Variants in SAE1 observed in about 807,000 individuals in gnomAD.
SAE1 encodes SUMO-activating enzyme subunit 1.
SAE1 carries 11 observed loss-of-function variants against 40.6 expected under a neutral mutation model. That is an observed-to-expected ratio of 0.27 (90% CI 0.17 to 0.45). The LOEUF (loss-of-function observed/expected upper bound fraction) is 0.45, where lower values mean the gene tolerates loss of function less well. Among genes scored for constraint, SAE1 ranks in the 20% least tolerant of loss-of-function variants. The pLI is 1.00. For synonymous variants in SAE1, 155 were observed against 154.3 expected (o/e 1.00, Z -0.03); for missense variants, 373 against 427.3 (o/e 0.87, Z 1.12).
chr19:47,173,240 G>T (rs978520523), intron 6 of SAE1, among the ~76,000 whole-genome samples: 1 of 152,038 alleles, frequency 6.6e-6, no homozygotes, highest in Non-Finnish European at 1.5e-5. Context: ...CTCGTGAACC[G>T]CCTGCCTCGG....
chr19:47,164,078 G>GTA (rs1331304984), intron 5 of SAE1, among the ~76,000 whole-genome samples: 1 of 152,062 alleles, frequency 6.6e-6, no homozygotes, highest in African/African-American at 2.4e-5. Flanking sequence ...TTGTATATGT[G>GTA]TATATATATG....
At position 47,132,809 on chromosome 19, in the gene SAE1, G is replaced by T. The variant is rs948689092; in HGVS notation, c.98+1781G>T. ...AGACTGAGGTGGGAGCATCACCTGA[G>T]CCCCTGGGAGGTGGAGGTTGCAGTG... is the stretch of plus-strand genomic sequence containing the variant. On this transcript the variant is annotated intron_variant, in intron 1 of 8. Transcript: ENST00000270225. Among the ~76,000 whole-genome samples the T allele has an allele frequency of 3.3e-5, 5 of 151,506 alleles. No individual in the cohort carries two copies. In the East Asian group the frequency reaches 9.7e-4, roughly 29 times the overall value.
intron 2 of SAE1, among the ~76,000 whole-genome samples, chr19:47,144,941 C>T (rs2058246128): frequency 6.6e-6 from 1 of 152,138 alleles, no homozygotes; most frequent in African/African-American, 2.4e-5. Flanking sequence ...AAGTGATTCT[C>T]CTGCCTCAGC....
At chr19:47,174,723 C>T (rs1024574325) in intron 6 of SAE1, among the ~76,000 whole-genome samples, 2 of 151,978 alleles carry the variant, frequency 1.3e-5, no homozygotes, top group African/African-American at 4.8e-5. Flanking sequence ...CAGGTGCCCG[C>T]CACCATGCCC....
At chr19:47,185,308 A>G (rs1178332916) in intron 6 of SAE1, among the ~76,000 whole-genome samples, 2 of 150,898 alleles carry the variant, frequency 1.3e-5, no homozygotes, top group Non-Finnish European at 3.0e-5. Flanking sequence ...TTTCATTTTT[A>G]TTTGTTTACT....
At chr19:47,169,073 C>T (rs1285889298) in intron 5 of SAE1, among the ~76,000 whole-genome samples, 1 of 152,122 alleles carries the variant, frequency 6.6e-6, no homozygotes, top group African/African-American at 2.4e-5. Flanking sequence ...GTTTCTCTTG[C>T]TGTTATTTAT....
At position 47,164,394 on chromosome 19, in the gene SAE1, G is replaced by C. The variant is rs186832221; in HGVS notation, c.628-5424G>C. On this transcript the variant is annotated intron_variant, in intron 5 of 8. Transcript: ENST00000270225. ...GTGTTAGCTAGGATGGTCTCCATCT[G>C]CTGACCTCGTGATCCGCCCGCCTTG... 4.0e-3 allele frequency among the ~76,000 whole-genome samples: 605 copies of C among 151,736 alleles called. 6 individuals are homozygous for C. Among genetic ancestry groups the C allele is most frequent in the African/African-American group, 0.014 (572 of 41,384 alleles).
intron 6 of SAE1, among the ~76,000 whole-genome samples, chr19:47,173,388 A>AC (rs1373199348): frequency 6.6e-6 from 1 of 151,572 alleles, no homozygotes; most frequent in African/African-American, 2.4e-5. Flanking sequence ...CACCCCTCCA[A>AC]CCCCGTAACT....
intron 6 of SAE1, among the ~76,000 whole-genome samples, chr19:47,176,627 C>T (rs2123267906): frequency 6.6e-6 from 1 of 152,274 alleles, no homozygotes; most frequent in Middle Eastern, 3.4e-3. Flanking sequence ...TCCAATGTTG[C>T]CCTGGGCTCT....
chr19:47,132,418 A>ATTTTTTTTTT (rs1347663048), intron 1 of SAE1, among the ~76,000 whole-genome samples: 1 of 145,712 alleles, frequency 6.9e-6, no homozygotes, highest in Non-Finnish European at 1.5e-5. Flanking sequence ...CATCCGACTA[A>ATTTTTTTTTT]TTTTTGTTTT....
intron 1 of SAE1, among the ~76,000 whole-genome samples, chr19:47,134,930 G>C (rs1375789686): frequency 6.6e-6 from 1 of 152,136 alleles, no homozygotes. Flanking sequence ...TTGCAGGAGG[G>C]AGGGAAGAGG....
At chr19:47,184,450 G>A (rs1159722723) in intron 6 of SAE1, among the ~76,000 whole-genome samples, 7 of 151,910 alleles carry the variant, frequency 4.6e-5, no homozygotes, top group Non-Finnish European at 7.4e-5. Context: ...TGCTCTTGTC[G>A]CCCAGGCTGG....
At chr19:47,166,352 T>G (rs2058392230) in intron 5 of SAE1, among the ~76,000 whole-genome samples, 1 of 152,170 alleles carries the variant, frequency 6.6e-6, no homozygotes, top group South Asian at 2.1e-4. Flanking sequence ...TCAAATTTGA[T>G]CCAGGCCTTC....
chr19:47,181,634 A>G (rs1307230138), intron 6 of SAE1, among the ~76,000 whole-genome samples: 1 of 151,000 alleles, frequency 6.6e-6, no homozygotes, highest in Non-Finnish European at 1.5e-5. Context: ...GCCCGCCACC[A>G]CACCTGGCTA....
intron 6 of SAE1, among the ~76,000 whole-genome samples, chr19:47,171,738 A>T (rs1283117801): frequency 1.3e-5 from 2 of 151,784 alleles, no homozygotes; most frequent in Non-Finnish European, 2.9e-5. Flanking sequence ...TGTTGGGATT[A>T]CAGACGTGAG....
rs533946987 is a variant in SAE1 at position 47,140,907 on chromosome 19, G to A, written c.99-2587G>A. 2.4e-4 allele frequency among the ~76,000 whole-genome samples: 36 copies of A among 152,060 alleles called. No individual in the cohort carries two copies. In the East Asian group the frequency reaches 5.8e-3, roughly 24 times the overall value. Reference sequence around the variant, plus strand: ...TCTGTCACCTGGGATGGAGTGCAGCGGCACAGTCTTGGCTCATTGAAACCT... The same window carrying A: ...TCTGTCACCTGGGATGGAGTGCAGCAGCACAGTCTTGGCTCATTGAAACCT... On this transcript the variant is annotated intron_variant, in intron 1 of 8. Coordinates refer to ENST00000270225, the MANE Select transcript of SAE1 (RefSeq NM_005500.3).
chr19:47,145,863 C>A (rs968718230), intron 2 of SAE1, among the ~76,000 whole-genome samples: 6 of 152,030 alleles, frequency 3.9e-5, no homozygotes, highest in African/African-American at 1.4e-4. Flanking sequence ...TCTGAGAGCA[C>A]CTACTGGGTG....
At chr19:47,150,053 G>A (rs922727192) in intron 2 of SAE1, 149 bp from the exon 3 acceptor site, 1 of 460,040 alleles carries the variant, frequency 2.2e-6, no homozygotes, top group African/African-American at 2.1e-5. Flanking sequence ...ACTCCAGCCT[G>A]GTGACAGAGC....
intron 8 of SAE1, among the ~76,000 whole-genome samples, chr19:47,208,086 CT>C (rs2058695114): frequency 6.6e-6 from 1 of 152,226 alleles, no homozygotes; most frequent in Admixed American, 6.5e-5. Flanking sequence ...ATAGCCCCCG[CT>C]TCTGCATCAG....
Sources: allele counts gnomAD v4.1 joint callset (sites outside exome capture counted in the v4.1 genomes callset), GRCh38; gene constraint gnomAD v4.1.1; transcripts MANE v1.5; gene names NCBI Gene and HGNC (gene_info 2026-07-23, HGNC 2026-07-21).